Variants in GPR161 observed in about 807,000 individuals in gnomAD.
GPR161 encodes G protein-coupled receptor 161, also known as G-protein coupled receptor RE2.
A neutral mutation model predicts 39.2 loss-of-function variants in GPR161; 25 were observed. That is an observed-to-expected ratio of 0.64 (90% CI 0.47 to 0.89). The LOEUF (loss-of-function observed/expected upper bound fraction) is 0.89, where lower values mean the gene tolerates loss of function less well. Ranked by LOEUF, GPR161 falls within the 40% of genes least tolerant of loss-of-function variation. The probability of loss-of-function intolerance (pLI) is 0.00; values close to 1 mark genes in which losing one functional copy is unlikely to be tolerated. For missense variants in GPR161, 547 were observed against 677.8 expected (o/e 0.81, Z 2.14); for synonymous variants, 286 against 276.6 (o/e 1.03, Z -0.34).
intron 3 of GPR161, among the ~76,000 whole-genome samples, chr1:168,091,656 G>C (rs1695079719): frequency 6.6e-6 from 1 of 152,056 alleles, no homozygotes; most frequent in Non-Finnish European, 1.5e-5. Flanking sequence ...GAAAGACAGA[G>C]ATGGGAAAAA....
At chr1:168,128,020 C>G (rs1378159191) in intron 1 of GPR161, among the ~76,000 whole-genome samples, 2 of 152,172 alleles carry the variant, frequency 1.3e-5, no homozygotes, top group Non-Finnish European at 2.9e-5. Flanking sequence ...AGCTACCACA[C>G]AGATGCTCAG....
In GPR161 at chr1:168,084,728, C is replaced by CATGG. The variant is rs1389722221; in HGVS notation, c.*802_*803insCCAT. 3 of 432,202 alleles carry CATGG rather than the reference C, an allele frequency of 6.9e-6. No individual in the cohort carries two copies. In the East Asian group the frequency reaches 2.1e-4, roughly 30 times the overall value. 26.8% of individuals were successfully genotyped at this position (432,202 alleles called of 1,614,324 possible). On this transcript the variant is annotated 3_prime_UTR_variant, in exon 6 of 6. Transcript: ENST00000682931. Reference sequence around the variant, plus strand: ...TCCTGGCTGTGCTTGGCACTACAGTCCCATTCAGTCCGGTAAAACAGTGGT... The same window carrying CATGG: ...TCCTGGCTGTGCTTGGCACTACAGTCATGGCCATTCAGTCCGGTAAAACAGTGGT...
chr1:168,135,151 C>T, intron 1 of GPR161: 2 of 1,310,286 alleles, frequency 1.5e-6, no homozygotes, highest in Non-Finnish European at 2.0e-6. Context: ...AGTGGAGCTA[C>T]AGGGCAGGGA....
rs1276961818 is a variant in GPR161 at position 168,083,821 on chromosome 1, A to G, written c.*1710T>C. On this transcript the variant is annotated 3_prime_UTR_variant, in exon 6 of 6. Coordinates refer to ENST00000682931, the MANE Select transcript of GPR161 (RefSeq NM_001375883.1). ...CTGCAGACCAGGGGACCAGCTAACC[A>G]TTGGTTTCTGCCACACAACACAAAA... 1 of 152,244 alleles carries G rather than the reference A, an allele frequency of 6.6e-6. No individual in the cohort carries two copies. The highest frequency in any genetic ancestry group is 1.5e-5 in the Non-Finnish European group (1 of 68,080). 9.4% of individuals were successfully genotyped at this position (152,244 alleles called of 1,614,324 possible).
intron 1 of GPR161, among the ~76,000 whole-genome samples, chr1:168,128,843 G>A (rs1306751363): frequency 6.6e-6 from 1 of 151,996 alleles, no homozygotes; most frequent in African/African-American, 2.4e-5. Context: ...TCAGGCACAG[G>A]GCTGTCCCCT....
chr1:168,104,684 G>C lies in GPR161; in HGVS notation c.167C>G (p.Ser56Cys), dbSNP rs775511949. ...LVIVVTLYKK[S>C]YLLTLSNKFV... ...CTTGTTGCTGAGGGTGAGGAGGTAGGACTTCTTGTACAAGGTGACCACGAT... is the reference window on the plus strand; with the variant it reads ...CTTGTTGCTGAGGGTGAGGAGGTAGCACTTCTTGTACAAGGTGACCACGAT... The change falls in exon 2 of 6, where the codon TCC (serine) becomes TGC (cysteine). Residue 56 changes from serine (S) to cysteine (C), a missense_variant. By Grantham distance (112) the Ser-to-Cys change is moderately radical. Transcript: ENST00000682931. 6.2e-7 allele frequency: 1 copy of C among 1,613,780 alleles called. No homozygotes were observed. The highest frequency in any genetic ancestry group is 2.2e-5 in the East Asian group (1 of 44,884).
At position 168,084,554 on chromosome 1, in the gene GPR161, T is replaced by G; in HGVS notation, c.*977A>C. ...TTCTATCTTATTTATACCAGGCTTG[T>G]GATAATAGTAACTGTTGCTCTTGGG... On this transcript the variant is annotated 3_prime_UTR_variant, in exon 6 of 6. Transcript: ENST00000682931. The G allele has an allele frequency of 2.8e-6, 1 of 351,872 alleles. No individual in the cohort carries two copies. The highest frequency in any genetic ancestry group is 2.2e-5 in the South Asian group (1 of 45,674). 21.8% of individuals were successfully genotyped at this position (351,872 alleles called of 1,614,324 possible).
intron 3 of GPR161, among the ~76,000 whole-genome samples, chr1:168,095,559 C>T (rs577321737): frequency 6.6e-6 from 1 of 152,318 alleles, no homozygotes; most frequent in South Asian, 2.1e-4. Flanking sequence ...GAAACCTGTG[C>T]ACACCGGATC....
In GPR161 at chr1:168,084,805, T is replaced by G. The variant is rs1347819923; in HGVS notation, c.*726A>C. 1 of 456,118 alleles carries G rather than the reference T, an allele frequency of 2.2e-6. No individual in the cohort carries two copies. Among genetic ancestry groups the G allele is most frequent in the Non-Finnish European group, 4.4e-6 (1 of 226,980 alleles). The allele number at this position is 456,118 out of a possible 1,614,324, so 28.3% of individuals were successfully genotyped here. Reference sequence around the variant, plus strand: ...TTCTGGAAATGAAACACCTAGTACCTGCCCTTCCTCTTGTCTTTTATAGTG... The same window carrying G: ...TTCTGGAAATGAAACACCTAGTACCGGCCCTTCCTCTTGTCTTTTATAGTG... On this transcript the variant is annotated 3_prime_UTR_variant, in exon 6 of 6. Transcript: ENST00000682931.
chr1:168,080,265 T>G lies in GPR161; in HGVS notation c.*5266A>C, dbSNP rs1255267577. The G allele has an allele frequency of 2.0e-5, 3 of 152,218 alleles. No homozygotes were observed. Among genetic ancestry groups the G allele is most frequent in the African/African-American group, 7.2e-5 (3 of 41,432 alleles). 9.4% of individuals were successfully genotyped at this position (152,218 alleles called of 1,614,324 possible). ...CTAATAAAGCCCTGCTGGCCTGTTC[T>G]GTGATACTGATGACTCTTAACTATA... is the stretch of plus-strand genomic sequence containing the variant. On this transcript the variant is annotated 3_prime_UTR_variant, in exon 6 of 6. Transcript: ENST00000682931.
rs546997404 is a variant in GPR161, at chr1:168,091,958, C to T, written c.1100-1290G>A. On this transcript the variant is annotated intron_variant, in intron 3 of 5. Coordinates refer to ENST00000682931, the MANE Select transcript of GPR161 (RefSeq NM_001375883.1). ...ACAGATAGGAGGAGACCTGTTCCTTCATTCTACCCTAATTCTTCAGAGGTT... is the reference window on the plus strand; with the variant it reads ...ACAGATAGGAGGAGACCTGTTCCTTTATTCTACCCTAATTCTTCAGAGGTT... Among the ~76,000 whole-genome samples the T allele has an allele frequency of 1.1e-4, 16 of 152,324 alleles. No individual in the cohort carries two copies. In the South Asian group the frequency reaches 3.3e-3, roughly 32 times the overall value.
At chr1:168,112,479 C>CAAAA (rs57030886) in intron 1 of GPR161, among the ~76,000 whole-genome samples, 2 of 63,062 alleles carry the variant, frequency 3.2e-5, no homozygotes, top group African/African-American at 5.4e-5. Context: ...GACTCCGTCT[C>CAAAA]AAAAAAAAAA....
At chr1:168,092,152 G>A (rs570555970) in intron 3 of GPR161, among the ~76,000 whole-genome samples, 37 of 152,318 alleles carry the variant, frequency 2.4e-4, no homozygotes, top group African/African-American at 8.9e-4. Flanking sequence ...ACTGTAGGGA[G>A]CTGGGACCAG....
At chr1:168,115,614 T>C (rs1697553939) in intron 1 of GPR161, among the ~76,000 whole-genome samples, 2 of 152,248 alleles carry the variant, frequency 1.3e-5, no homozygotes, top group South Asian at 2.1e-4. Flanking sequence ...CCTTCATTTA[T>C]GAGGACATCC....
chr1:168,129,295 G>T (rs1025474725), intron 1 of GPR161, among the ~76,000 whole-genome samples: 3 of 152,174 alleles, frequency 2.0e-5, no homozygotes, highest in African/African-American at 7.2e-5. Context: ...TGAGCTCGGC[G>T]TGTTTAAGGA....
chr1:168,122,598 T>A (rs1698269450), intron 1 of GPR161, among the ~76,000 whole-genome samples: 1 of 152,160 alleles, frequency 6.6e-6, no homozygotes, highest in South Asian at 2.1e-4. Context: ...TCCAATCTCT[T>A]AATAAAAATT....
At chr1:168,133,880 G>A in intron 1 of GPR161, 1 of 948,304 alleles carries the variant, frequency 1.1e-6, no homozygotes, top group Non-Finnish European at 1.3e-6. Context: ...ATTCACCTAT[G>A]TTTCCAGGCT....
In GPR161 at chr1:168,085,267, GTT is replaced by G; in HGVS notation, c.*262_*263del. 4 of 475,894 alleles carry G rather than the reference GTT, an allele frequency of 8.4e-6. No homozygotes were observed. Among genetic ancestry groups the G allele is most frequent in the Admixed American group, 3.5e-5 (1 of 28,462 alleles). 29.5% of individuals were successfully genotyped at this position (475,894 alleles called of 1,614,324 possible). Reference sequence around the variant, plus strand: ...AGCCACATCTCTAGATTTTTTTTTGGTTTTTTTTTTGCTTTAGATGCTTCTGG... The same window carrying G: ...AGCCACATCTCTAGATTTTTTTTTGGTTTTTTTTGCTTTAGATGCTTCTGG... On this transcript the variant is annotated 3_prime_UTR_variant, in exon 6 of 6. Coordinates refer to ENST00000682931, the MANE Select transcript of GPR161 (RefSeq NM_001375883.1).
rs894840509 is a variant in GPR161, at chr1:168,134,997, A to G, written c.-45+1742T>C. On this transcript the variant is annotated intron_variant, in intron 1 of 5. Transcript: ENST00000682931. Reference sequence around the variant, plus strand: ...AGAGCTCGCAGCCCTCTGACCACACAGTGCTCCTTCACCTCTCAGAGGACG... The same window carrying G: ...AGAGCTCGCAGCCCTCTGACCACACGGTGCTCCTTCACCTCTCAGAGGACG... 4 of 1,535,082 alleles carry G rather than the reference A, an allele frequency of 2.6e-6. No homozygotes were observed. The African/African-American group carries it at 5.5e-5, about 21-fold the overall frequency.
Sources: allele counts gnomAD v4.1 joint callset (sites outside exome capture counted in the v4.1 genomes callset), GRCh38; gene constraint gnomAD v4.1.1; transcripts MANE v1.5; gene names NCBI Gene and HGNC (gene_info 2026-07-23, HGNC 2026-07-21).